The following CCSER1 variants were observed in gnomAD, a reference collection of about 807,000 sequenced individuals.
CCSER1 encodes serine-rich coiled-coil domain-containing protein 1.
In CCSER1, 41 loss-of-function variants were observed where a neutral mutation model predicts 82.0. That is an observed-to-expected ratio of 0.50 (90% CI 0.39 to 0.65). The LOEUF (loss-of-function observed/expected upper bound fraction) is 0.65. Among genes scored for constraint, CCSER1 ranks in the 30% least tolerant of loss-of-function variants. The probability of loss-of-function intolerance (pLI) is 0.00; values close to 1 mark genes in which losing one functional copy is unlikely to be tolerated. For synonymous variants in CCSER1, 414 were observed against 383.9 expected (o/e 1.08, Z -0.92); for missense variants, 1,119 against 1,064.2 (o/e 1.05, Z -0.72).
chr4:90,632,407 A>G (rs1724622591), intron 6 of CCSER1, among the ~76,000 whole-genome samples: 1 of 152,024 alleles, frequency 6.6e-6, no homozygotes, highest in Admixed American at 6.6e-5. Context: ...TGCCATCACC[A>G]TAACAACATA....
At chr4:90,685,044 A>G (rs1025169471) in intron 6 of CCSER1, among the ~76,000 whole-genome samples, 1 of 152,176 alleles carries the variant, frequency 6.6e-6, no homozygotes, top group African/African-American at 2.4e-5. Flanking sequence ...TTTGGACACA[A>G]TTCCACTCAC....
intron 4 of CCSER1, among the ~76,000 whole-genome samples, chr4:90,413,416 T>G (rs551795770): frequency 6.6e-6 from 1 of 152,174 alleles, no homozygotes; most frequent in Non-Finnish European, 1.5e-5. Flanking sequence ...TTCAAAACAC[T>G]ACCATTATTC....
chr4:91,147,016 G>A lies in CCSER1; in HGVS notation c.2217+61022G>A, dbSNP rs542125278. Among the ~76,000 whole-genome samples, 4 of 152,278 alleles carry A rather than the reference G, an allele frequency of 2.6e-5. No homozygotes were observed. The East Asian group carries it at 7.7e-4, about 29-fold the overall frequency. ...TTATGTTTCCTTAGCCTCAAGGCAG[G>A]CTTTGGCAGGCTGTGCTTTTCTCTC... On this transcript the variant is annotated intron_variant, in intron 10 of 10. Coordinates refer to ENST00000509176, the MANE Select transcript of CCSER1 (RefSeq NM_001145065.2).
At chr4:91,523,701 C>G (rs1286339909) in intron 10 of CCSER1, among the ~76,000 whole-genome samples, 2 of 152,138 alleles carry the variant, frequency 1.3e-5, no homozygotes, top group African/African-American at 2.4e-5. Context: ...GTTTGTATGT[C>G]TGTGGGATCG....
chr4:91,437,650 CCCTGCG>C (rs1027732543), intron 10 of CCSER1, among the ~76,000 whole-genome samples: 2 of 152,174 alleles, frequency 1.3e-5, no homozygotes, highest in African/African-American at 4.8e-5. Flanking sequence ...GTGCAGCGCA[CCCTGCG>C]CCAGCCGAAG....
chr4:91,375,306 T>C (rs1037561879), intron 10 of CCSER1, among the ~76,000 whole-genome samples: 9 of 152,226 alleles, frequency 5.9e-5, no homozygotes, highest in African/African-American at 2.2e-4. Flanking sequence ...TGTTACCATC[T>C]TGTGATGGCA....
At chr4:90,256,011 C>G (rs1723221563) in intron 1 of CCSER1, among the ~76,000 whole-genome samples, 1 of 152,114 alleles carries the variant, frequency 6.6e-6, no homozygotes, top group South Asian at 2.1e-4. Context: ...TACCTTGCAG[C>G]CTAACTCTAG....
chr4:91,483,644 C>G (rs1758065278), intron 10 of CCSER1, among the ~76,000 whole-genome samples: 2 of 152,072 alleles, frequency 1.3e-5, no homozygotes, highest in Admixed American at 1.3e-4. Flanking sequence ...CCATGTTGGT[C>G]AGGCTGGTCT....
At chr4:90,461,299 C>G (rs940029802) in intron 4 of CCSER1, among the ~76,000 whole-genome samples, 3 of 117,242 alleles carry the variant, frequency 2.6e-5, no homozygotes, top group Admixed American at 1.5e-4. Flanking sequence ...GATCTCCTGA[C>G]CTCGTGATCC....
chr4:90,665,861 G>T (rs1474998780), intron 6 of CCSER1, among the ~76,000 whole-genome samples: 1 of 152,156 alleles, frequency 6.6e-6, no homozygotes, highest in Non-Finnish European at 1.5e-5. Flanking sequence ...AGTCTTCAAG[G>T]TGTTGGCAGT....
intron 10 of CCSER1, among the ~76,000 whole-genome samples, chr4:91,552,461 A>G (rs1163560674): frequency 6.6e-6 from 1 of 151,716 alleles, no homozygotes; most frequent in African/African-American, 2.4e-5. Context: ...CAAGATCATT[A>G]TACAGAGTCA....
At chr4:90,911,931 G>A (rs1367310213) in intron 8 of CCSER1, among the ~76,000 whole-genome samples, 1 of 152,180 alleles carries the variant, frequency 6.6e-6, no homozygotes, top group East Asian at 1.9e-4. Context: ...GAGGCTGGGG[G>A]AGGGGCGCCC....
At chr4:91,238,679 A>G (rs1544017) in intron 10 of CCSER1, among the ~76,000 whole-genome samples, 19,181 of 152,190 alleles carry the variant, frequency 0.13, 1,361 homozygotes, top group Middle Eastern at 0.18. Context: ...TTGGTTGGCC[A>G]GTAATTATCC....
intron 9 of CCSER1, among the ~76,000 whole-genome samples, chr4:90,980,396 G>A (rs1043675067): frequency 1.3e-5 from 2 of 151,848 alleles, no homozygotes; most frequent in South Asian, 2.1e-4. Context: ...ATCTAAGGTC[G>A]TGTGAGTACA....
intron 8 of CCSER1, among the ~76,000 whole-genome samples, chr4:90,885,574 G>A (rs1042286803): frequency 3.3e-5 from 5 of 152,032 alleles, no homozygotes; most frequent in African/African-American, 1.2e-4. Flanking sequence ...AGAGAATAGA[G>A]AATATTCTTC....
chr4:90,692,733 G>A (rs1043597684), intron 6 of CCSER1, among the ~76,000 whole-genome samples: 2 of 151,674 alleles, frequency 1.3e-5, no homozygotes, highest in African/African-American at 4.8e-5. Context: ...CAATAAACAT[G>A]TCTAGACTTT....
intron 3 of CCSER1, among the ~76,000 whole-genome samples, chr4:90,324,444 G>T (rs1737754555): frequency 6.8e-6 from 1 of 147,070 alleles, no homozygotes; most frequent in African/African-American, 2.6e-5. Flanking sequence ...TTTTTCATGT[G>T]TTTTTTGGCT....
chr4:91,233,369 C>A (rs991480289), intron 10 of CCSER1, among the ~76,000 whole-genome samples: 1 of 151,866 alleles, frequency 6.6e-6, no homozygotes, highest in Non-Finnish European at 1.5e-5. Flanking sequence ...TAATAATTTG[C>A]AGATACGTAC....
chr4:91,549,460 A>C (rs1355462729), intron 10 of CCSER1, among the ~76,000 whole-genome samples: 2 of 151,774 alleles, frequency 1.3e-5, no homozygotes, highest in Admixed American at 6.6e-5. Context: ...TGAGTAAAAT[A>C]AACTGTGGAA....
Sources: gnomAD v4.1 joint callset for allele counts (sites outside exome capture counted in the v4.1 genomes callset) on GRCh38, gnomAD v4.1.1 for gene constraint, MANE v1.5 for transcripts, NCBI Gene and HGNC (gene_info 2026-07-23, HGNC 2026-07-21) for gene names.